Variants in MRPL48 observed in about 807,000 individuals in gnomAD.
MRPL48 encodes the protein mitochondrial ribosomal protein L48, also known as large ribosomal subunit protein mL48.
MRPL48 carries 16 observed loss-of-function variants against 32.9 expected under a neutral mutation model. That is an observed-to-expected ratio of 0.49 (90% CI 0.33 to 0.74). The LOEUF is 0.74. Among genes scored for constraint, MRPL48 ranks in the 30% least tolerant of loss-of-function variants. The pLI is 0.02. For synonymous variants in MRPL48, 94 were observed against 89.2 expected (o/e 1.05, Z -0.31); for missense variants, 206 against 245.3 (o/e 0.84, Z 1.07).
intron 1 of MRPL48, among the ~76,000 whole-genome samples, chr11:73,794,864 C>A (rs1947225363): frequency 6.6e-6 from 1 of 150,440 alleles, no homozygotes; most frequent in Non-Finnish European, 1.5e-5. Context: ...CCTGCCTCGA[C>A]CTCCTGAGTA....
chr11:73,831,710 G>C (rs948402811), intron 4 of MRPL48, among the ~76,000 whole-genome samples: 1 of 152,030 alleles, frequency 6.6e-6, no homozygotes, highest in African/African-American at 2.4e-5. Context: ...GGAGGCCGAG[G>C]GGGGAGGATC....
At position 73,857,781 on chromosome 11, in the gene MRPL48, GAC is replaced by G. The variant is rs576800521; in HGVS notation, c.372-2124_372-2123del. On this transcript the variant is annotated intron_variant, in intron 5 of 7. Coordinates refer to ENST00000310614, the MANE Select transcript of MRPL48 (RefSeq NM_016055.6). ...AGCTAATTTTTGTATTTTTAGTAGA[GAC>G]AGTTTCACCGTGTTGGTCAGGCTGG... Among the ~76,000 whole-genome samples the G allele has an allele frequency of 1.1e-3, 171 of 151,118 alleles. 1 individual carries two copies. Among genetic ancestry groups the G allele is most frequent in the African/African-American group, 4.0e-3 (165 of 41,130 alleles).
Position 73,817,504 on chromosome 11 carries a change from C to T in MRPL48, c.113-8204C>T, listed in dbSNP as rs544080185. 3.9e-5 allele frequency among the ~76,000 whole-genome samples: 6 copies of T among 152,214 alleles called. No individual in the cohort carries two copies. The East Asian group carries it at 7.7e-4, about 20-fold the overall frequency. On this transcript the variant is annotated intron_variant, in intron 3 of 7. Coordinates refer to ENST00000310614, the MANE Select transcript of MRPL48 (RefSeq NM_016055.6). ...TCCCTTTTTACATACTCATCAACAT[C>T]GAGTATTATTTTTAATATTTGCTAA...
At chr11:73,788,362 C>A (rs1369941839) in intron 1 of MRPL48, among the ~76,000 whole-genome samples, 2 of 151,894 alleles carry the variant, frequency 1.3e-5, no homozygotes, top group African/African-American at 4.8e-5. Context: ...TTATCAACTT[C>A]CAGAATTTTT....
chr11:73,843,006 G>A (rs142772602), intron 4 of MRPL48: 7 of 151,886 alleles, frequency 4.6e-5, no homozygotes, highest in African/African-American at 1.7e-4. Flanking sequence ...GTAGAGTCGG[G>A]ATCTAGCTAT....
intron 5 of MRPL48, among the ~76,000 whole-genome samples, chr11:73,853,994 T>G (rs985596198): frequency 6.6e-6 from 1 of 152,122 alleles, no homozygotes; most frequent in Non-Finnish European, 1.5e-5. Context: ...TCGGCTGAGA[T>G]AGCTTCTTAA....
intron 5 of MRPL48, among the ~76,000 whole-genome samples, chr11:73,847,814 A>G (rs546125702): frequency 6.6e-6 from 1 of 152,104 alleles, no homozygotes; most frequent in East Asian, 1.9e-4. Flanking sequence ...TCCTGACCAC[A>G]AATGATCCAC....
At chr11:73,802,216 C>T (rs964460887) in intron 1 of MRPL48, 1 of 152,222 alleles carries the variant, frequency 6.6e-6, no homozygotes, top group East Asian at 1.9e-4. Flanking sequence ...TGACTTCATA[C>T]AATGCCTGCA....
In MRPL48 at chr11:73,835,967, A is replaced by G. The variant is rs145073851; in HGVS notation, c.202-8840A>G. 2.8e-3 allele frequency among the ~76,000 whole-genome samples: 419 copies of G among 151,988 alleles called. 1 individual carries two copies. The highest frequency in any genetic ancestry group is 9.3e-3 in the African/African-American group (387 of 41,464). ...ATTTATTTTTTTGAGACAGGGTCTC[A>G]CTGTCGCCCAGGTTGGAGTGCAGTG... is the stretch of plus-strand genomic sequence containing the variant. On this transcript the variant is annotated intron_variant, in intron 4 of 7. Coordinates refer to ENST00000310614, the MANE Select transcript of MRPL48 (RefSeq NM_016055.6).
At chr11:73,811,329 GA>G (rs1947562281) in intron 3 of MRPL48, among the ~76,000 whole-genome samples, 1 of 152,128 alleles carries the variant, frequency 6.6e-6, no homozygotes, top group African/African-American at 2.4e-5. Flanking sequence ...ACAAGTGAAT[GA>G]AAGTCCAAGA....
Position 73,843,848 on chromosome 11 carries a change from G to C in MRPL48, c.202-959G>C, listed in dbSNP as rs183624024. ...AATCCCGGCACTTGGGGAGGCCTAG[G>C]TGGGTGAATCACCTGAGGTCAGGAG... On this transcript the variant is annotated intron_variant, in intron 4 of 7. Coordinates refer to ENST00000310614, the MANE Select transcript of MRPL48 (RefSeq NM_016055.6). Among the ~76,000 whole-genome samples the C allele has an allele frequency of 1.9e-3, 285 of 152,250 alleles. 1 individual carries two copies. The highest frequency in any genetic ancestry group is 3.4e-3 in the Middle Eastern group (1 of 294).
intron 4 of MRPL48, among the ~76,000 whole-genome samples, chr11:73,841,595 A>G (rs983981003): frequency 2.6e-5 from 4 of 152,120 alleles, no homozygotes; most frequent in East Asian, 1.9e-4. Context: ...AAATAACTCT[A>G]TGGTTTCATA....
At chr11:73,853,473 A>G (rs1053470189) in intron 5 of MRPL48, among the ~76,000 whole-genome samples, 1 of 151,964 alleles carries the variant, frequency 6.6e-6, no homozygotes, top group Non-Finnish European at 1.5e-5. Context: ...TAGCAATATG[A>G]CCTTGGGAAA....
At chr11:73,838,601 T>G (rs1400507304) in intron 4 of MRPL48, among the ~76,000 whole-genome samples, 1 of 152,202 alleles carries the variant, frequency 6.6e-6, no homozygotes, top group Non-Finnish European at 1.5e-5. Context: ...TCTAGACAGC[T>G]CTTACTGCAG....
chr11:73,829,012 C>T (rs1255678405), intron 4 of MRPL48, among the ~76,000 whole-genome samples: 2 of 152,132 alleles, frequency 1.3e-5, no homozygotes, highest in African/African-American at 4.8e-5. Flanking sequence ...AGAATCTTCT[C>T]TCTCAGATAA....
At chr11:73,811,567 CAG>C (rs1947568301) in intron 3 of MRPL48, among the ~76,000 whole-genome samples, 1 of 152,088 alleles carries the variant, frequency 6.6e-6, no homozygotes, top group South Asian at 2.1e-4. Flanking sequence ...AACATTTTGT[CAG>C]ACTTTCATTG....
chr11:73,804,201 A>G (rs1480641984), intron 1 of MRPL48, among the ~76,000 whole-genome samples: 2 of 152,064 alleles, frequency 1.3e-5, no homozygotes, highest in Admixed American at 1.3e-4. Context: ...TATAGGCATG[A>G]GCCACCGTGC....
intron 2 of MRPL48, among the ~76,000 whole-genome samples, chr11:73,807,612 T>G (rs937097085): frequency 1.1e-4 from 17 of 151,536 alleles, no homozygotes; most frequent in African/African-American, 3.9e-4. Context: ...TCAGTCCCAT[T>G]AGATTGTAGT....
At chr11:73,850,708 G>A (rs1008834907) in intron 5 of MRPL48, 5 of 201,778 alleles carry the variant, frequency 2.5e-5, no homozygotes, top group Admixed American at 1.2e-4. Context: ...ACGGAGTCTC[G>A]CTCTGTCGCC....
Sources: allele counts gnomAD v4.1 joint callset (sites outside exome capture counted in the v4.1 genomes callset), GRCh38; gene constraint gnomAD v4.1.1; transcripts MANE v1.5; gene names NCBI Gene and HGNC (gene_info 2026-07-23, HGNC 2026-07-21).